Variants in ANKFN1 observed in about 807,000 individuals in gnomAD.
The protein encoded by ANKFN1 is ankyrin repeat and fibronectin type III domain containing 1, also known as ankyrin repeat and fibronectin type-III domain-containing protein 1.
Under a neutral mutation model 108.7 loss-of-function variants are expected in ANKFN1, and 74 were observed. That is an observed-to-expected ratio of 0.68 (90% confidence interval 0.56 to 0.83). The LOEUF (loss-of-function observed/expected upper bound fraction) is 0.83, where lower values mean the gene tolerates loss of function less well. ANKFN1 is among the 40% of genes least tolerant of loss of function. ANKFN1 has a pLI of 0.00. For missense variants in ANKFN1, 1,505 were observed against 1,382.3 expected (o/e 1.09, Z -1.41); for synonymous variants, 547 against 516.2 (o/e 1.06, Z -0.81).
At chr17:56,163,206 A>G (rs1398630290) in intron 1 of ANKFN1, among the ~76,000 whole-genome samples, 1 of 152,066 alleles carries the variant, frequency 6.6e-6, no homozygotes, top group Non-Finnish European at 1.5e-5. Flanking sequence ...TTAAGAAATG[A>G]AAGTTGGTAA....
chr17:56,186,356 T>C (rs2143657368), intron 1 of ANKFN1, among the ~76,000 whole-genome samples: 1 of 96,346 alleles, frequency 1.0e-5, no homozygotes, highest in Middle Eastern at 4.9e-3. Flanking sequence ...ATAAAGCCCT[T>C]TCACTTATAT....
At chr17:56,269,466 A>G (rs2043736943) in intron 3 of ANKFN1, among the ~76,000 whole-genome samples, 1 of 152,194 alleles carries the variant, frequency 6.6e-6, no homozygotes, top group South Asian at 2.1e-4. Flanking sequence ...TATTATCATT[A>G]TTGACTTGCC....
chr17:56,138,981 T>C (rs1050253044), intron 4 of ANKFN1, among the ~76,000 whole-genome samples: 2 of 152,182 alleles, frequency 1.3e-5, no homozygotes, highest in African/African-American at 2.4e-5. Flanking sequence ...AAAATAAATA[T>C]ACACATGTCC....
chr17:56,271,590 A>T (rs770044517), intron 3 of ANKFN1, among the ~76,000 whole-genome samples: 4 of 152,202 alleles, frequency 2.6e-5, no homozygotes, highest in Non-Finnish European at 5.9e-5. Flanking sequence ...GGTAGTATCG[A>T]TGCATTGCTC....
At chr17:56,288,519 A>C (rs2044277218) in intron 3 of ANKFN1, among the ~76,000 whole-genome samples, 1 of 152,134 alleles carries the variant, frequency 6.6e-6, no homozygotes, top group South Asian at 2.1e-4. Context: ...TCTTACAATC[A>C]GAAAAGATAA....
intron 6 of ANKFN1, among the ~76,000 whole-genome samples, chr17:56,358,915 T>C (rs1028016818): frequency 1.3e-4 from 20 of 152,188 alleles, no homozygotes; most frequent in Admixed American, 7.9e-4. Flanking sequence ...ACTCGTATTC[T>C]GCCCCCACCC....
chr17:56,048,235 T>G (rs1420003952), intron 4 of ANKFN1, among the ~76,000 whole-genome samples: 1 of 134,234 alleles, frequency 7.4e-6, no homozygotes, highest in African/African-American at 2.4e-5. Context: ...TGGATATAAT[T>G]AAATTGCTTA....
At chr17:56,333,453 A>C (rs970733699) in intron 4 of ANKFN1, among the ~76,000 whole-genome samples, 1 of 152,096 alleles carries the variant, frequency 6.6e-6, no homozygotes, top group Admixed American at 6.6e-5. Context: ...CTCTTTTAAT[A>C]TATTAAATTA....
chr17:56,155,180 C>T (rs1008060470), intron 1 of ANKFN1, among the ~76,000 whole-genome samples: 1 of 152,186 alleles, frequency 6.6e-6, no homozygotes, highest in East Asian at 1.9e-4. Flanking sequence ...AATGCTGGAC[C>T]TTAGAGGACT....
At chr17:56,298,316 G>C (rs1490902010) in intron 3 of ANKFN1, among the ~76,000 whole-genome samples, 1 of 152,004 alleles carries the variant, frequency 6.6e-6, no homozygotes, top group African/African-American at 2.4e-5. Context: ...GATTTTTTCT[G>C]TATATTCTAC....
chr17:56,484,360 A>G (rs1349667575), intron 18 of ANKFN1, among the ~76,000 whole-genome samples: 3 of 152,140 alleles, frequency 2.0e-5, no homozygotes, highest in African/African-American at 7.2e-5. Context: ...CGAAAATAAG[A>G]AGAAAAAAAA....
chr17:56,458,757 G>A (rs562929918), intron 14 of ANKFN1, among the ~76,000 whole-genome samples: 1 of 152,218 alleles, frequency 6.6e-6, no homozygotes, highest in South Asian at 2.1e-4. Context: ...TCAGTAACGG[G>A]TATCTACCTA....
At chr17:56,140,105 A>G (rs1013440862) in intron 4 of ANKFN1, among the ~76,000 whole-genome samples, 3 of 152,346 alleles carry the variant, frequency 2.0e-5, no homozygotes, top group Admixed American at 1.3e-4. Context: ...CTCGAACTCA[A>G]AACATCTAAA....
intron 8 of ANKFN1, among the ~76,000 whole-genome samples, chr17:56,390,173 T>C (rs1336178264): frequency 1.3e-5 from 2 of 152,028 alleles, no homozygotes; most frequent in African/African-American, 4.8e-5. Context: ...CATTACGTAT[T>C]TGTCCTATTG....
intron 1 of ANKFN1, among the ~76,000 whole-genome samples, chr17:56,198,801 C>G (rs182368458): frequency 3.1e-4 from 47 of 152,294 alleles, no homozygotes; most frequent in Admixed American, 2.2e-3. Context: ...TTTCTGGGCT[C>G]TCAGCTCCAT....
intron 6 of ANKFN1, among the ~76,000 whole-genome samples, chr17:56,369,017 C>T (rs556191067): frequency 9.9e-5 from 15 of 152,256 alleles, no homozygotes; most frequent in Admixed American, 7.2e-4. Context: ...TGCATGTATT[C>T]GGGTTAGGGG....
chr17:56,465,245 A>G (rs1204498572), intron 14 of ANKFN1, among the ~76,000 whole-genome samples: 1 of 152,244 alleles, frequency 6.6e-6, no homozygotes, highest in Non-Finnish European at 1.5e-5. Flanking sequence ...TGATTAGGCC[A>G]TCGCAAAAAA....
intron 4 of ANKFN1, among the ~76,000 whole-genome samples, chr17:56,098,516 T>C (rs1012359226): frequency 6.6e-6 from 1 of 152,050 alleles, no homozygotes; most frequent in African/African-American, 2.4e-5. Flanking sequence ...CTCTGACACG[T>C]GATATACTTA....
At chr17:56,105,772 A>T (rs569310150) in intron 4 of ANKFN1, among the ~76,000 whole-genome samples, 12 of 151,452 alleles carry the variant, frequency 7.9e-5, no homozygotes, top group African/African-American at 2.2e-4. Flanking sequence ...AGAGAGAGTT[A>T]CATCACAGTG....
Sources: gnomAD v4.1 joint callset for allele counts (sites outside exome capture counted in the v4.1 genomes callset) on GRCh38, gnomAD v4.1.1 for gene constraint, MANE v1.5 for transcripts, NCBI Gene and HGNC (gene_info 2026-07-23, HGNC 2026-07-21) for gene names.